ANK2: variants seen among roughly 807,000 people sequenced by gnomAD.
The protein encoded by ANK2 is ankyrin-2.
A neutral mutation model predicts 360.5 loss-of-function variants in ANK2; 83 were observed. The observed-to-expected ratio is 0.23, with a 90% CI of 0.19 to 0.28. The LOEUF is 0.28. Among genes scored for constraint, ANK2 ranks in the 10% least tolerant of loss-of-function variants. ANK2 has a pLI of 1.00. For synonymous variants in ANK2, 1,740 were observed against 1,759.5 expected (o/e 0.99, Z 0.28); for missense variants, 4,201 against 4,795.7 (o/e 0.88, Z 3.66).
chr4:113,170,728 G>A (rs1195997524), intron 1 of ANK2, among the ~76,000 whole-genome samples: 2 of 152,104 alleles, frequency 1.3e-5, no homozygotes, highest in East Asian at 3.9e-4. Context: ...CCACACTGCT[G>A]GGTGCTAAGA....
intron 16 of ANK2, 73 bp from the exon 17 acceptor site, chr4:113,278,386 TC>T: frequency 8.0e-7 from 1 of 1,255,940 alleles, no homozygotes; most frequent in Non-Finnish European, 1.2e-6. Flanking sequence ...AATATCAGTT[TC>T]CAGGCATCCT....
chr4:113,293,531 C>A lies in ANK2; in HGVS notation c.2468C>A (p.Thr823Asn). The A allele has an allele frequency of 6.2e-7, 1 of 1,612,646 alleles. No homozygotes were observed. Among genetic ancestry groups the A allele is most frequent in the Non-Finnish European group, 8.5e-7 (1 of 1,179,356 alleles). The change falls in exon 22 of 46, where the codon ACC becomes AAC. Residue 823 changes from threonine to asparagine, a missense_variant. Physicochemically the swap from Thr to Asn is moderately conservative, Grantham distance 65. Transcript: ENST00000357077. ...LKVVTEEVTTTTTTITEKHKL... is the reference protein window; with the variant it reads ...LKVVTEEVTTNTTTITEKHKL... ...GTTGTGACTGAGGAGGTCACCACCACCACCACAGTGAGTATGAGTGACTGA... is the reference window on the plus strand; with the variant it reads ...GTTGTGACTGAGGAGGTCACCACCAACACCACAGTGAGTATGAGTGACTGA...
At chr4:113,186,425 T>C (rs1398140872) in intron 2 of ANK2, among the ~76,000 whole-genome samples, 2 of 152,088 alleles carry the variant, frequency 1.3e-5, no homozygotes, top group Non-Finnish European at 2.9e-5. Flanking sequence ...CAAAGGTAGG[T>C]AAATACACGA....
the ANK2 span, among the ~76,000 whole-genome samples, chr4:112,766,724 G>A: frequency 6.6e-6 from 1 of 152,134 alleles, no homozygotes; most frequent in South Asian, 2.1e-4. Context: ...TAATCTTACC[G>A]GAGTTATTTG....
In ANK2 at chr4:113,358,280, G is replaced by A. The variant is rs2095938633; in HGVS notation, c.9662G>A (p.Gly3221Glu). The A allele has an allele frequency of 1.9e-6, 3 of 1,613,726 alleles. No homozygotes were observed. Among genetic ancestry groups the A allele is most frequent in the South Asian group, 1.1e-5 (1 of 91,028 alleles). The stretch of plus-strand genomic sequence containing the variant: ...CCTACAAAAGAAGCTGTTAGTGTAG[G>A]GACCAAGGACCTCCCCACCGTGCAA... ...ETPTKEAVSV[G>E]TKDLPTVQTG... Residue 3221 changes from glycine to glutamate, a missense_variant, in exon 38 of 46, where the codon GGG becomes GAG. Gly to Glu is a moderately conservative substitution (Grantham distance 98). Around this residue, in one of 4 missense-constraint regions of ANK2, gnomAD observed 2,642 missense variants for 2,714.5 expected, o/e 0.97. Transcript: ENST00000357077.
intron 9 of ANK2, among the ~76,000 whole-genome samples, chr4:113,243,263 C>T (rs1212847812): frequency 6.6e-6 from 1 of 152,126 alleles, no homozygotes; most frequent in Non-Finnish European, 1.5e-5. Flanking sequence ...GAATATGTCT[C>T]TTATGGTATT....
the ANK2 span, among the ~76,000 whole-genome samples, chr4:112,730,597 G>A: frequency 0.12 from 14,024 of 119,710 alleles, 874 homozygotes; most frequent in Middle Eastern, 0.26. Context: ...AGATCGCACC[G>A]TTGCACTCCA....
chr4:112,967,207 G>A (rs1053930500), intron 2 of ANK2, among the ~76,000 whole-genome samples: 1 of 152,202 alleles, frequency 6.6e-6, no homozygotes, highest in African/African-American at 2.4e-5. Context: ...TTGTGAGACT[G>A]TGTATATGAT....
intron 1 of ANK2, among the ~76,000 whole-genome samples, chr4:112,896,303 T>A (rs73840925): frequency 0.018 from 2,771 of 152,316 alleles, 33 homozygotes; most frequent in Middle Eastern, 0.037. Flanking sequence ...GGCTATAGGT[T>A]CTGTTTAGAG....
At chr4:112,800,039 A>T in the ANK2 span, among the ~76,000 whole-genome samples, 1 of 152,156 alleles carries the variant, frequency 6.6e-6, no homozygotes, top group Non-Finnish European at 1.5e-5. Flanking sequence ...AAGCAATATA[A>T]CACAGCTTAT....
At chr4:112,767,967 A>G in the ANK2 span, among the ~76,000 whole-genome samples, 1 of 152,130 alleles carries the variant, frequency 6.6e-6, no homozygotes, top group Non-Finnish European at 1.5e-5. Context: ...GGAAGAAGAG[A>G]GTATGGCTAG....
At chr4:113,222,276 C>T (rs1336352873) in intron 4 of ANK2, among the ~76,000 whole-genome samples, 2 of 152,114 alleles carry the variant, frequency 1.3e-5, no homozygotes, top group East Asian at 3.8e-4. Flanking sequence ...CATAGAAATT[C>T]CATAATGTCA....
chr4:112,957,697 C>T (rs1157734815), intron 2 of ANK2, among the ~76,000 whole-genome samples: 62 of 144,294 alleles, frequency 4.3e-4, no homozygotes, highest in East Asian at 8.6e-4. Context: ...GGGGGGCTGA[C>T]CCCCCCACCT....
At chr4:112,800,521 A>G in the ANK2 span, among the ~76,000 whole-genome samples, 1 of 152,270 alleles carries the variant, frequency 6.6e-6, no homozygotes, top group Non-Finnish European at 1.5e-5. Flanking sequence ...CATTGCATGT[A>G]ATGAATTAAC....
At chr4:113,252,226 C>T (rs2046852551) in intron 10 of ANK2, among the ~76,000 whole-genome samples, 1 of 152,192 alleles carries the variant, frequency 6.6e-6, no homozygotes, top group Non-Finnish European at 1.5e-5. Context: ...GACTTATTCA[C>T]TACCACGAGA....
At chr4:112,717,188 C>T in the ANK2 span, among the ~76,000 whole-genome samples, 1 of 152,162 alleles carries the variant, frequency 6.6e-6, no homozygotes, top group Non-Finnish European at 1.5e-5. Context: ...TGTGGTTCTT[C>T]AAATCCATTA....
chr4:112,957,007 G>GT (rs56066718), intron 2 of ANK2, among the ~76,000 whole-genome samples: 1,950 of 66,436 alleles, frequency 0.029, 40 homozygotes, highest in East Asian at 0.046. Context: ...TATTGCTCTT[G>GT]TTTTTTTTTT....
chr4:112,840,788 C>T (rs1162142317), intron 1 of ANK2, among the ~76,000 whole-genome samples: 1 of 152,120 alleles, frequency 6.6e-6, no homozygotes, highest in African/African-American at 2.4e-5. Context: ...GATAAGGAAA[C>T]AGAGAAGTTA....
intron 26 of ANK2, among the ~76,000 whole-genome samples, chr4:113,319,327 T>A (rs1245039983): frequency 1.3e-5 from 2 of 151,864 alleles, no homozygotes; most frequent in Non-Finnish European, 2.9e-5. Flanking sequence ...AGTTTTAAAT[T>A]GTAACACTCT....
Sources: gnomAD v4.1 joint callset for allele counts (sites outside exome capture counted in the v4.1 genomes callset) on GRCh38, gnomAD v4.1.1 for gene constraint, gnomAD v4.1.1 regional missense constraint, MANE v1.5 for transcripts, NCBI Gene and HGNC (gene_info 2026-07-23, HGNC 2026-07-21) for gene names.